Variants in BAZ1B observed in about 807,000 individuals in gnomAD.
BAZ1B encodes the protein bromodomain adjacent to zinc finger domain 1B, also known as tyrosine-protein kinase BAZ1B.
A neutral mutation model predicts 153.8 loss-of-function variants in BAZ1B; 22 were observed. The observed-to-expected ratio is 0.14, with a 90% CI of 0.10 to 0.20. BAZ1B has a LOEUF of 0.20. BAZ1B is among the 10% of genes least tolerant of loss of function. The pLI, the probability that BAZ1B is intolerant of heterozygous loss-of-function variation, is 1.00. For synonymous variants in BAZ1B, 676 were observed against 633.4 expected (o/e 1.07, Z -1.01); for missense variants, 1,325 against 1,799.3 (o/e 0.74, Z 4.77).
intron 15 of BAZ1B, among the ~76,000 whole-genome samples, chr7:73,448,437 T>C (rs938710520): frequency 1.2e-4 from 18 of 152,222 alleles, no homozygotes; most frequent in African/African-American, 4.3e-4. Context: ...TTTGGCCTTA[T>C]TGAGATTCAA....
intron 3 of BAZ1B, among the ~76,000 whole-genome samples, chr7:73,499,398 AC>A (rs1197264843): frequency 2.0e-5 from 3 of 152,078 alleles, no homozygotes; most frequent in African/African-American, 7.2e-5. Flanking sequence ...TTGAAATAAC[AC>A]CTTTCTCTAC....
rs1563381437 is a variant in BAZ1B, at chr7:73,478,364, A to C, written c.1097T>G (p.Leu366Arg). The change falls in exon 7 of 20, where the codon CTA becomes CGA. Residue 366 changes from leucine (L) to arginine (R), a missense_variant. Leu to Arg is a moderately radical substitution (Grantham distance 102, BLOSUM62 -2). Around this residue, in one of 9 missense-constraint regions of BAZ1B, gnomAD observed 219 missense variants for 248.2 expected, o/e 0.88. Coordinates refer to ENST00000339594, the MANE Select transcript of BAZ1B (RefSeq NM_032408.4). Reference sequence around the variant, plus strand: ...CGACATCATCTTCATCATTTCTTCTAGATGTTCTTCAGGAGATTTGGAATT... The same window carrying C: ...CGACATCATCTTCATCATTTCTTCTCGATGTTCTTCAGGAGATTTGGAATT... ...SKNSKSPEEH[L>R]EEMMKMMSPN... 6.8e-6 allele frequency: 11 copies of C among 1,612,138 alleles called. No individual in the cohort carries two copies. The highest frequency in any genetic ancestry group is 7.6e-6 in the Non-Finnish European group (9 of 1,179,552).
At position 73,440,715 on chromosome 7, in the gene BAZ1B, G is replaced by C. The variant is rs1398393725; in HGVS notation, c.*994C>G. 17 of 152,492 alleles carry C rather than the reference G, an allele frequency of 1.1e-4. No individual in the cohort carries two copies. Among genetic ancestry groups the C allele is most frequent in the African/African-American group, 1.9e-4 (8 of 41,456 alleles). The allele number at this position is 152,492 out of a possible 1,614,324, so 9.4% of individuals were successfully genotyped here. On this transcript the variant is annotated 3_prime_UTR_variant, in exon 20 of 20. Transcript: ENST00000339594. ...CAATCCTCGTCGTCCTTGGGCAGGAGGACGGAGGAAGCAGAGGCCACATTC... is the reference window on the plus strand; with the variant it reads ...CAATCCTCGTCGTCCTTGGGCAGGACGACGGAGGAAGCAGAGGCCACATTC...
intron 1 of BAZ1B, among the ~76,000 whole-genome samples, chr7:73,514,038 T>C (rs1554578910): frequency 6.6e-6 from 1 of 152,220 alleles, no homozygotes; most frequent in African/African-American, 2.4e-5. Context: ...TTTCAGATTT[T>C]GGAGTATTTG....
In BAZ1B at chr7:73,515,531, C is replaced by CTT. The variant is rs869065388; in HGVS notation, c.108-4681_108-4680dup. Among the ~76,000 whole-genome samples, 550 of 111,360 alleles carry CTT rather than the reference C, an allele frequency of 4.9e-3. 7 individuals are homozygous for CTT. The highest frequency in any genetic ancestry group is 0.013 in the African/African-American group (364 of 28,864). The allele number at this position is 111,360 out of a possible 152,430, so 73.1% of individuals were successfully genotyped here. On this transcript the variant is annotated intron_variant, in intron 1 of 19. Coordinates refer to ENST00000339594, the MANE Select transcript of BAZ1B (RefSeq NM_032408.4). ...AGGGTCTGCCCCTCCAGCCTTGTTC[C>CTT]TTTTTTTTTTTTTTTTTTTTTTTTG...
intron 3 of BAZ1B, among the ~76,000 whole-genome samples, chr7:73,502,067 T>C (rs1388916617): frequency 6.6e-6 from 1 of 151,864 alleles, no homozygotes; most frequent in Non-Finnish European, 1.5e-5. Context: ...ATTTTTGTAT[T>C]TTTAGTAGAG....
chr7:73,492,168 T>C (rs1479341364), intron 5 of BAZ1B, among the ~76,000 whole-genome samples: 1 of 149,694 alleles, frequency 6.7e-6, no homozygotes, highest in Non-Finnish European at 1.5e-5. Flanking sequence ...AATTTTTTTT[T>C]GTTTTGTTTT....
At chr7:73,468,403 T>G (rs1788673463) in intron 9 of BAZ1B, among the ~76,000 whole-genome samples, 1 of 151,360 alleles carries the variant, frequency 6.6e-6, no homozygotes, top group African/African-American at 2.4e-5. Flanking sequence ...TCCTCATCAG[T>G]GTCATGGTGG....
rs1046012823 is a variant in BAZ1B, at chr7:73,514,965, C to T, written c.108-4113G>A. 2.6e-5 allele frequency among the ~76,000 whole-genome samples: 4 copies of T among 151,734 alleles called. No individual in the cohort carries two copies. In the East Asian group the frequency reaches 5.8e-4, roughly 22 times the overall value. On this transcript the variant is annotated intron_variant, in intron 1 of 19. Transcript: ENST00000339594. ...GCGGGCGCCTGTAATCCCAGCTACT[C>T]GGGAGGCTGAGGCAGAGAACTGCTT...
Position 73,480,721 on chromosome 7 carries a change from G to T in BAZ1B, c.892-2152C>A, listed in dbSNP as rs553230135. 2.5e-3 allele frequency among the ~76,000 whole-genome samples: 385 copies of T among 152,236 alleles called. 1 individual carries two copies. Among genetic ancestry groups the T allele is most frequent in the Non-Finnish European group, 4.4e-3 (302 of 68,018 alleles). The stretch of plus-strand genomic sequence containing the variant: ...AAGAAGTCTAAAGACAAGTAGGTTA[G>T]GCTAGTTTGAGATGAGACTACAGGC... On this transcript the variant is annotated intron_variant, in intron 6 of 19. Transcript: ENST00000339594.
At chr7:73,502,614 A>C (rs1358097946) in intron 3 of BAZ1B, among the ~76,000 whole-genome samples, 3 of 149,818 alleles carry the variant, frequency 2.0e-5, no homozygotes, top group African/African-American at 7.4e-5. Flanking sequence ...CTGTAGGATG[A>C]GGAAAAAAAA....
intron 4 of BAZ1B, among the ~76,000 whole-genome samples, chr7:73,497,390 T>C (rs1554576524): frequency 6.6e-6 from 1 of 152,178 alleles, no homozygotes; most frequent in Admixed American, 6.5e-5. Context: ...CAGTTCATTT[T>C]ATTGTTATTA....
chr7:73,521,474 C>T (rs1187455726), intron 1 of BAZ1B, among the ~76,000 whole-genome samples: 1 of 152,214 alleles, frequency 6.6e-6, no homozygotes, highest in African/African-American at 2.4e-5. Flanking sequence ...CTAGCTCCCC[C>T]TCCCCACGCC....
intron 6 of BAZ1B, among the ~76,000 whole-genome samples, chr7:73,486,249 T>A (rs922949804): frequency 7.9e-5 from 12 of 152,178 alleles, no homozygotes; most frequent in Non-Finnish European, 1.5e-4. Context: ...CAGGTAACAA[T>A]CCAAAATTCC....
rs1161732752 is a variant in BAZ1B at position 73,469,126 on chromosome 7, G to A, written c.2866+391C>T. ...GCCTGGGCAACAAGAGTGAAATTCC[G>A]TCTCAAAAAAAAAAAAAAAAAGAAG... On this transcript the variant is annotated intron_variant, in intron 9 of 19. Coordinates refer to ENST00000339594, the MANE Select transcript of BAZ1B (RefSeq NM_032408.4). 5.2e-5 allele frequency among the ~76,000 whole-genome samples: 7 copies of A among 135,220 alleles called. No homozygotes were observed. The East Asian group carries it at 6.3e-4, about 12-fold the overall frequency. 88.7% of individuals were successfully genotyped at this position (135,220 alleles called of 152,430 possible).
chr7:73,469,737 T>C, intron 8 of BAZ1B, 87 bp from the exon 9 acceptor site: 1 of 1,481,978 alleles, frequency 6.7e-7, no homozygotes, highest in Non-Finnish European at 9.3e-7. Context: ...ATACAGAGTA[T>C]CACTGAGCAT....
intron 4 of BAZ1B, 54 bp from the exon 5 acceptor site, chr7:73,492,975 T>C: frequency 6.5e-7 from 1 of 1,533,974 alleles, no homozygotes. Context: ...ATCCTTTTCA[T>C]TCATTCATTA....
chr7:73,503,202 C>T (rs1455802536), intron 3 of BAZ1B, among the ~76,000 whole-genome samples: 1 of 152,168 alleles, frequency 6.6e-6, no homozygotes, highest in Non-Finnish European at 1.5e-5. Flanking sequence ...GCTATTTACA[C>T]TATAAGCAAT....
chr7:73,510,964 C>T, intron 1 of BAZ1B, 112 bp from the exon 2 acceptor site: 1 of 865,750 alleles, frequency 1.2e-6, no homozygotes, highest in South Asian at 1.6e-5. Context: ...AAATGTGTAG[C>T]ATGAGAGGAT....
Sources: gnomAD v4.1 joint callset for allele counts (sites outside exome capture counted in the v4.1 genomes callset) on GRCh38, gnomAD v4.1.1 for gene constraint, gnomAD v4.1.1 regional missense constraint, MANE v1.5 for transcripts, NCBI Gene and HGNC (gene_info 2026-07-23, HGNC 2026-07-21) for gene names.